ARHGAP40: variants seen among roughly 807,000 people sequenced by gnomAD.
ARHGAP40 encodes the protein rho GTPase-activating protein 40.
In ARHGAP40, 43 loss-of-function variants were observed where a neutral mutation model predicts 73.5. That is an observed-to-expected ratio of 0.58 (90% CI 0.46 to 0.75). The LOEUF is 0.75. ARHGAP40 is among the 30% of genes least tolerant of loss of function. The pLI, the probability that ARHGAP40 is intolerant of heterozygous loss-of-function variation, is 0.00. For missense variants in ARHGAP40, 734 were observed against 861.8 expected (o/e 0.85, Z 1.86); for synonymous variants, 300 against 352.8 (o/e 0.85, Z 1.68).
chr20:38,623,280 G>C lies in ARHGAP40; in HGVS notation c.138-79G>C, dbSNP rs2088882458. The C allele has an allele frequency of 7.1e-6, 8 of 1,120,514 alleles. No homozygotes were observed. In the South Asian group the frequency reaches 1.1e-4, roughly 15 times the overall value. 69.4% of individuals were successfully genotyped at this position (1,120,514 alleles called of 1,614,324 possible). A position where few individuals can be genotyped will look rare whatever the true frequency, so the allele number is the denominator to read the frequency against. On this transcript the variant is annotated intron_variant, in intron 1 of 14. Coordinates refer to ENST00000373345, the Ensembl canonical transcript of ARHGAP40. ...CCCCAGGGGCCCAGGCTGATTTCTG[G>C]AGAGCCACAAGCCTCAGCACAACCC...
rs200985539 is a variant in ARHGAP40, at chr20:38,627,048, G to C, written c.391G>C (p.Gly131Arg). Reference sequence around the variant, plus strand: ...GGACACAGGCCTGTCGGGCCTCCTTGGTGGCCTGGGCTTGGATGGTGATCA... The same window carrying C: ...GGACACAGGCCTGTCGGGCCTCCTTCGTGGCCTGGGCTTGGATGGTGATCA... The change falls in exon 3 of 15, where the codon GGT becomes CGT. Residue 131 changes from glycine to arginine, a missense_variant. Gly to Arg is a moderately radical substitution (Grantham distance 125). Coordinates refer to ENST00000373345, the Ensembl canonical transcript of ARHGAP40. The C allele has an allele frequency of 2.5e-3, 3,200 of 1,305,214 alleles. 11 individuals carry two copies. Among genetic ancestry groups the C allele is most frequent in the Middle Eastern group, 0.012 (56 of 4,546 alleles). The allele number at this position is 1,305,214 out of a possible 1,614,324, so 80.9% of individuals were successfully genotyped here.
At chr20:38,630,068 C>CTTTCTTTCTTTCTT (rs1344801207) in intron 5 of ARHGAP40, among the ~76,000 whole-genome samples, 1 of 81,474 alleles carries the variant, frequency 1.2e-5, no homozygotes, top group Non-Finnish European at 3.2e-5. Context: ...TTTTTTCTTT[C>CTTTCTTTCTTTCTT]TTTCTTTCTT....
At chr20:38,614,255 G>A (rs1210063270) in intron 1 of ARHGAP40, among the ~76,000 whole-genome samples, 3 of 152,204 alleles carry the variant, frequency 2.0e-5, no homozygotes, top group African/African-American at 7.2e-5. Context: ...CCTCTTCATA[G>A]GCACACATGG....
At chr20:38,621,374 C>T (rs2088872429) in intron 1 of ARHGAP40, among the ~76,000 whole-genome samples, 1 of 152,126 alleles carries the variant, frequency 6.6e-6, no homozygotes, top group African/African-American at 2.4e-5. Flanking sequence ...TAGAAACAAC[C>T]CAAATCTCCA....
rs1419164779 is a variant in ARHGAP40, at chr20:38,608,395, T to C, written c.137+6316T>C. On this transcript the variant is annotated intron_variant, in intron 1 of 14. Coordinates refer to ENST00000373345, the Ensembl canonical transcript of ARHGAP40. ...CCCTTTTGTTCTCTAGTTACTACTC[T>C]GTCCCCTCGGGCTGTTTGCCCCATC... 2.6e-5 allele frequency among the ~76,000 whole-genome samples: 4 copies of C among 152,224 alleles called. No homozygotes were observed. The East Asian group carries it at 7.7e-4, about 29-fold the overall frequency.
chr20:38,634,780 C>T (rs1336931439), exon 6 of ARHGAP40: 7 of 1,281,166 alleles, frequency 5.5e-6, no homozygotes, highest in South Asian at 5.2e-5. Context: ...AAGTGGAAAG[C>T]GGCAGGTGAG....
At chr20:38,617,525 G>T (rs1601136843) in intron 1 of ARHGAP40, among the ~76,000 whole-genome samples, 1 of 152,234 alleles carries the variant, frequency 6.6e-6, no homozygotes, top group East Asian at 1.9e-4. Context: ...AACATGAGCA[G>T]GGGAGCTTGG....
At chr20:38,619,563 A>G (rs552451389) in intron 1 of ARHGAP40, among the ~76,000 whole-genome samples, 16 of 150,544 alleles carry the variant, frequency 1.1e-4, no homozygotes, top group South Asian at 4.3e-4. Context: ...CAGTGTCTAC[A>G]GTGGGGAAGG....
chr20:38,613,966 A>AT (rs978816182), intron 1 of ARHGAP40, among the ~76,000 whole-genome samples: 2 of 152,138 alleles, frequency 1.3e-5, no homozygotes, highest in African/African-American at 4.8e-5. Flanking sequence ...CCATAGAGGG[A>AT]TTTTAGGAGC....
chr20:38,627,413 T>C (rs917619816), intron 3 of ARHGAP40, among the ~76,000 whole-genome samples, 198 bp downstream of exon 3: 1 of 113,008 alleles, frequency 8.8e-6, no homozygotes. Context: ...GGGGTATGTG[T>C]GTTGGGGGTG....
chr20:38,641,495 G>A lies in ARHGAP40; in HGVS notation c.1280-231G>A, dbSNP rs958767113. On this transcript the variant is annotated intron_variant, in intron 9 of 14. Transcript: ENST00000373345. ...GGCATGTGCTTGCCTGCACATGCATGCGTGTGTTTATTTTGTTACACAAAG... is the reference window on the plus strand; with the variant it reads ...GGCATGTGCTTGCCTGCACATGCATACGTGTGTTTATTTTGTTACACAAAG... Among the ~76,000 whole-genome samples, 3 of 152,198 alleles carry A rather than the reference G, an allele frequency of 2.0e-5. No individual in the cohort carries two copies. The East Asian group carries it at 5.8e-4, about 29-fold the overall frequency.
At chr20:38,636,782 T>G (rs2088977726) in intron 6 of ARHGAP40, among the ~76,000 whole-genome samples, 1 of 152,248 alleles carries the variant, frequency 6.6e-6, no homozygotes, top group South Asian at 2.1e-4. Context: ...CAGCAGTGTA[T>G]GAAAGTGTTC....
At chr20:38,619,138 A>G (rs970737166) in intron 1 of ARHGAP40, among the ~76,000 whole-genome samples, 1 of 152,232 alleles carries the variant, frequency 6.6e-6, no homozygotes, top group African/African-American at 2.4e-5. Flanking sequence ...AGTCTGAGAC[A>G]GGACATTCCA....
At chr20:38,627,387 G>GGTGTGTGTGTT (rs2088905112) in intron 3 of ARHGAP40, among the ~76,000 whole-genome samples, 172 bp downstream of exon 3, 1 of 122,028 alleles carries the variant, frequency 8.2e-6, no homozygotes, top group African/African-American at 3.2e-5. Context: ...TGTGTGTGTT[G>GGTGTGTGTGTT]GGGTGTGTGT....
At chr20:38,648,592 T>G in intron 13 of ARHGAP40, 51 bp from the exon 14 acceptor site, 13 of 1,281,508 alleles carry the variant, frequency 1.0e-5, no homozygotes, top group Non-Finnish European at 1.3e-5. Flanking sequence ...GTCTTGATGT[T>G]TCCAGAAGAA....
chr20:38,641,396 T>G (rs2089017564), intron 9 of ARHGAP40, among the ~76,000 whole-genome samples: 1 of 152,200 alleles, frequency 6.6e-6, no homozygotes, highest in Non-Finnish European at 1.5e-5. Context: ...TCTGTCTCCC[T>G]TCCTAAGGGT....
chr20:38,632,704 G>T (rs1028200724), intron 5 of ARHGAP40, among the ~76,000 whole-genome samples: 1 of 152,150 alleles, frequency 6.6e-6, no homozygotes. Flanking sequence ...GGCCAGGCAT[G>T]GTGGCGCACA....
intron 1 of ARHGAP40, among the ~76,000 whole-genome samples, chr20:38,602,525 C>A (rs575076229): frequency 6.6e-6 from 1 of 152,270 alleles, no homozygotes; most frequent in African/African-American, 2.4e-5. Context: ...CCTGCTCAGC[C>A]TGCCACTGAC....
chr20:38,627,788 A>G (rs543937911), intron 3 of ARHGAP40, among the ~76,000 whole-genome samples: 1 of 152,170 alleles, frequency 6.6e-6, no homozygotes, highest in Non-Finnish European at 1.5e-5. Context: ...TTCATCTCCC[A>G]TGCATGCCAC....
Sources: allele counts gnomAD v4.1 joint callset (sites outside exome capture counted in the v4.1 genomes callset), GRCh38; gene constraint gnomAD v4.1.1; transcripts MANE v1.5; gene names NCBI Gene and HGNC (gene_info 2026-07-23, HGNC 2026-07-21).